GPM6A: variants seen among roughly 807,000 people sequenced by gnomAD.
GPM6A encodes the protein glycoprotein M6A, also known as neuronal membrane glycoprotein M6-a.
In GPM6A, 7 loss-of-function variants were observed where a neutral mutation model predicts 32.1. The observed-to-expected ratio is 0.22, with a 90% CI of 0.12 to 0.41. GPM6A has a LOEUF of 0.41. GPM6A is among the 10% of genes least tolerant of loss of function. The probability of loss-of-function intolerance (pLI) is 1.00; values close to 1 mark genes in which losing one functional copy is unlikely to be tolerated. For missense variants in GPM6A, 235 were observed against 347.2 expected (o/e 0.68, Z 2.57); for synonymous variants, 130 against 123.4 (o/e 1.05, Z -0.35).
At chr4:175,832,510 G>C (rs866852036) in intron 1 of GPM6A, among the ~76,000 whole-genome samples, 1 of 34,134 alleles carries the variant, frequency 2.9e-5, no homozygotes, top group Non-Finnish European at 7.9e-5. Flanking sequence ...TAAAAACATA[G>C]AAATGAAGTA....
chr4:175,849,150 G>T (rs985435448), intron 1 of GPM6A, among the ~76,000 whole-genome samples: 1 of 152,110 alleles, frequency 6.6e-6, no homozygotes, highest in African/African-American at 2.4e-5. Flanking sequence ...CTATCCAAAG[G>T]TAAGTACAGT....
Position 175,946,833 on chromosome 4 carries a change from T to A in GPM6A, c.-23+55476A>T, listed in dbSNP as rs549160221. Among the ~76,000 whole-genome samples the A allele has an allele frequency of 3.9e-5, 6 of 152,252 alleles. No homozygotes were observed. The South Asian group carries it at 1.2e-3, about 32-fold the overall frequency. On this transcript the variant is annotated intron_variant, in intron 1 of 7. Transcript: ENST00000280187. ...TACCATCACATTTCAGTGTTTCTGA[T>A]TTGGGGAGTGATTTATAAGAAAGGT... is the stretch of plus-strand genomic sequence containing the variant.
chr4:175,926,339 G>A (rs542325506), intron 1 of GPM6A, among the ~76,000 whole-genome samples: 43 of 152,174 alleles, frequency 2.8e-4, no homozygotes, highest in Middle Eastern at 3.4e-3. Context: ...AGAAAAACAC[G>A]CATAAGATCA....
intron 1 of GPM6A, among the ~76,000 whole-genome samples, chr4:175,867,693 T>A (rs1449143254): frequency 6.6e-6 from 1 of 152,166 alleles, no homozygotes; most frequent in Non-Finnish European, 1.5e-5. Context: ...TAGTGTTGCA[T>A]TGTAGTAAGT....
At chr4:175,812,767 CCCGTCGGTTCTTTATGCTGCAG>C (rs2111334121), upstream of GPM6A, 1 of 985,452 alleles carries the variant, frequency 1.0e-6, no homozygotes, top group African/African-American at 1.7e-5. Context: ...AGCCCAGATT[CCCGTCGGTTCTTTATGCTGCAG>C]CAGTGGCTTC....
chr4:175,682,140 C>A (rs2111009680), intron 2 of GPM6A, among the ~76,000 whole-genome samples: 1 of 152,138 alleles, frequency 6.6e-6, no homozygotes, highest in African/African-American at 2.4e-5. Flanking sequence ...ACATGTTATG[C>A]CTTATTGAAG....
chr4:175,899,347 A>G (rs1560985263), intron 1 of GPM6A, among the ~76,000 whole-genome samples: 1 of 152,212 alleles, frequency 6.6e-6, no homozygotes, highest in Non-Finnish European at 1.5e-5. Flanking sequence ...CACTTCACAA[A>G]GAAAGATATA....
intron 1 of GPM6A, among the ~76,000 whole-genome samples, chr4:175,754,950 CCT>C (rs1299054337): frequency 6.6e-6 from 1 of 151,860 alleles, no homozygotes; most frequent in Non-Finnish European, 1.5e-5. Flanking sequence ...TTCCTCTCTC[CCT>C]CTGTCTACTC....
chr4:175,893,229 T>G (rs1737699620), intron 1 of GPM6A, among the ~76,000 whole-genome samples: 1 of 152,208 alleles, frequency 6.6e-6, no homozygotes, highest in Non-Finnish European at 1.5e-5. Context: ...TGTGGCAGGC[T>G]TTTATTAAGA....
chr4:175,803,895 G>C (rs1215349970), intron 1 of GPM6A, among the ~76,000 whole-genome samples: 1 of 152,026 alleles, frequency 6.6e-6, no homozygotes, highest in Non-Finnish European at 1.5e-5. Context: ...GTGAAAGGTT[G>C]AGCAGAGATT....
At chr4:175,998,989 T>A (rs753092176) in intron 1 of GPM6A, among the ~76,000 whole-genome samples, 2 of 152,062 alleles carry the variant, frequency 1.3e-5, no homozygotes, top group Non-Finnish European at 2.9e-5. Flanking sequence ...CAAACACACC[T>A]CCTTACTGCC....
At chr4:175,800,097 A>G (rs1388922217) in intron 1 of GPM6A, among the ~76,000 whole-genome samples, 1 of 152,182 alleles carries the variant, frequency 6.6e-6, no homozygotes, top group Non-Finnish European at 1.5e-5. Flanking sequence ...ATATTTTTAA[A>G]AAGTATATGG....
At chr4:175,703,081 A>T (rs1428102693) in intron 1 of GPM6A, among the ~76,000 whole-genome samples, 2 of 152,194 alleles carry the variant, frequency 1.3e-5, no homozygotes, top group African/African-American at 4.8e-5. Flanking sequence ...CATGAGCATT[A>T]AATGAGTTAA....
intron 1 of GPM6A, among the ~76,000 whole-genome samples, chr4:176,000,365 C>T (rs550465280): frequency 1.3e-5 from 2 of 152,298 alleles, no homozygotes; most frequent in South Asian, 4.1e-4. Context: ...CCTGACAACT[C>T]AGCTGTTAAC....
At chr4:175,848,765 A>G (rs1736164813) in intron 1 of GPM6A, among the ~76,000 whole-genome samples, 1 of 152,200 alleles carries the variant, frequency 6.6e-6, no homozygotes, top group African/African-American at 2.4e-5. Context: ...TTAGTACACA[A>G]TAATAAATAC....
chr4:175,858,620 G>A (rs974511495), intron 1 of GPM6A, among the ~76,000 whole-genome samples: 13 of 151,926 alleles, frequency 8.6e-5, no homozygotes, highest in African/African-American at 3.1e-4. Context: ...AAACACTGCT[G>A]GTGGAAATGC....
chr4:175,762,185 C>T (rs145687731), intron 1 of GPM6A, among the ~76,000 whole-genome samples: 147 of 152,294 alleles, frequency 9.7e-4, no homozygotes, highest in African/African-American at 3.1e-3. Flanking sequence ...GGTCATTCTA[C>T]GCTTACTTGA....
rs146826949 is a variant in GPM6A at position 175,830,658 on chromosome 4, G to A, written c.-22-18409C>T. ...TTCAAAGCAAGTAGGTTTCTTCAGC[G>A]TCCATATCTTTCATCCATTTTGAAT... On this transcript the variant is annotated intron_variant, in intron 1 of 7. Transcript: ENST00000280187. Among the ~76,000 whole-genome samples the A allele has an allele frequency of 7.0e-3, 1,068 of 152,202 alleles. 17 individuals are homozygous for A. Among genetic ancestry groups the A allele is most frequent in the African/African-American group, 0.024 (988 of 41,512 alleles).
At chr4:175,877,547 A>G (rs73010153) in intron 1 of GPM6A, among the ~76,000 whole-genome samples, 3,866 of 152,208 alleles carry the variant, frequency 0.025, 155 homozygotes, top group African/African-American at 0.087. Context: ...ATTAGTCTTG[A>G]GTGAAAGGGG....
Sources: allele counts gnomAD v4.1 joint callset (sites outside exome capture counted in the v4.1 genomes callset), GRCh38; gene constraint gnomAD v4.1.1; transcripts MANE v1.5; gene names NCBI Gene and HGNC (gene_info 2026-07-23, HGNC 2026-07-21).